Variants in KCNH7 observed in about 807,000 individuals in gnomAD.
KCNH7 encodes the protein potassium voltage-gated channel subfamily H member 7.
Under a neutral mutation model 120.8 loss-of-function variants are expected in KCNH7, and 49 were observed. The observed-to-expected ratio is 0.41, with a 90% confidence interval of 0.32 to 0.51. KCNH7 has a LOEUF of 0.51. KCNH7 is among the 20% of genes least tolerant of loss of function. The pLI is 0.38. For synonymous variants in KCNH7, 547 were observed against 516.1 expected, an observed-to-expected ratio of 1.06 and a Z score of -0.81; for missense variants, 1,097 against 1,446.6, an observed-to-expected ratio of 0.76 and a Z score of 3.92.
intron 6 of KCNH7, among the ~76,000 whole-genome samples, chr2:162,501,492 G>A (rs1291074789): frequency 6.6e-6 from 1 of 151,922 alleles, no homozygotes; most frequent in African/African-American, 2.4e-5. Context: ...TTCACTCAGT[G>A]GTAAGTAGTC....
chr2:162,670,470 C>CAAAA lies in KCNH7; in HGVS notation c.308-133394_308-133391dup, dbSNP rs61610131. Among the ~76,000 whole-genome samples the CAAAA allele has an allele frequency of 1.1e-3, 53 of 48,158 alleles. 1 individual carries two copies. The highest frequency in any genetic ancestry group is 3.4e-3 in the East Asian group (6 of 1,770). The allele number at this position is 48,158 out of a possible 152,430, so 31.6% of individuals were successfully genotyped here. A position where few individuals can be genotyped will look rare whatever the true frequency, so the allele number is the denominator to read the frequency against. ...CCTGGGCAACAAGAGCGAACTCTGT[C>CAAAA]AAAAAAAAAAAAAAAAAAAAAAGAA... On this transcript the variant is annotated intron_variant, in intron 2 of 15. Transcript: ENST00000332142.
At chr2:162,618,242 C>A (rs1683217409) in intron 2 of KCNH7, among the ~76,000 whole-genome samples, 1 of 151,872 alleles carries the variant, frequency 6.6e-6, no homozygotes, top group Non-Finnish European at 1.5e-5. Flanking sequence ...CCTTTCTCTT[C>A]TTATTTAGTC....
intron 2 of KCNH7, among the ~76,000 whole-genome samples, chr2:162,738,333 C>T (rs1687995735): frequency 6.6e-6 from 1 of 152,150 alleles, no homozygotes; most frequent in Non-Finnish European, 1.5e-5. Flanking sequence ...TCATGACGAC[C>T]TACCCTTGTT....
At chr2:162,380,162 C>T in intron 13 of KCNH7, 141 bp from the exon 14 acceptor site, 1 of 954,012 alleles carries the variant, frequency 1.0e-6, no homozygotes, top group Non-Finnish European at 1.5e-6. Flanking sequence ...GTGATGTGTC[C>T]AGGGGCCACG....
intron 5 of KCNH7, among the ~76,000 whole-genome samples, chr2:162,506,974 T>G (rs536211849): frequency 6.6e-6 from 1 of 152,002 alleles, no homozygotes; most frequent in South Asian, 2.1e-4. Context: ...AAAAGCCTGT[T>G]TATTCATGAA....
At chr2:162,829,312 T>G (rs185220673) in intron 2 of KCNH7, among the ~76,000 whole-genome samples, 29 of 152,296 alleles carry the variant, frequency 1.9e-4, no homozygotes, top group Admixed American at 9.2e-4. Flanking sequence ...ATCAGCTAAC[T>G]TTATCATTTT....
At chr2:162,810,437 C>T (rs1458818616) in intron 2 of KCNH7, among the ~76,000 whole-genome samples, 5 of 152,130 alleles carry the variant, frequency 3.3e-5, no homozygotes, top group Admixed American at 3.3e-4. Context: ...TTTGGCATCA[C>T]ATCATAGGAT....
At chr2:162,800,112 G>T (rs1684290854) in intron 2 of KCNH7, among the ~76,000 whole-genome samples, 1 of 151,602 alleles carries the variant, frequency 6.6e-6, no homozygotes, top group Non-Finnish European at 1.5e-5. Context: ...TCCAGGGGCA[G>T]ATCATAGGGC....
At chr2:162,558,364 C>T (rs960158409) in intron 2 of KCNH7, among the ~76,000 whole-genome samples, 5 of 151,868 alleles carry the variant, frequency 3.3e-5, no homozygotes, top group African/African-American at 9.7e-5. Flanking sequence ...TTGGTAGAGA[C>T]GGGGTTTCAC....
chr2:162,386,304 A>G (rs1294031894), intron 12 of KCNH7, among the ~76,000 whole-genome samples: 1 of 151,800 alleles, frequency 6.6e-6, no homozygotes, highest in Non-Finnish European at 1.5e-5. Context: ...CTAAAATTCC[A>G]TCTTGCCATC....
At chr2:162,593,594 T>C (rs1003788680) in intron 2 of KCNH7, among the ~76,000 whole-genome samples, 7 of 152,136 alleles carry the variant, frequency 4.6e-5, no homozygotes, top group African/African-American at 1.7e-4. Flanking sequence ...TAGGCAGCAA[T>C]AAGAATCGCC....
At chr2:162,763,475 C>A (rs1574356175) in intron 2 of KCNH7, among the ~76,000 whole-genome samples, 1 of 152,180 alleles carries the variant, frequency 6.6e-6, no homozygotes, top group Non-Finnish European at 1.5e-5. Context: ...ACACAGTGTG[C>A]TTCTTTCTAG....
Position 162,373,918 on chromosome 2 carries a change from T to A in KCNH7, c.3132-256A>T, listed in dbSNP as rs549294073. Reference sequence around the variant, plus strand: ...AATCAAATGAACAAAATAGACTACATGTTTACTAACCTTCATTGATTTCAA... The same window carrying A: ...AATCAAATGAACAAAATAGACTACAAGTTTACTAACCTTCATTGATTTCAA... On this transcript the variant is annotated intron_variant, in intron 14 of 15. Coordinates refer to ENST00000332142, the MANE Select transcript of KCNH7 (RefSeq NM_033272.4). Among the ~76,000 whole-genome samples the A allele has an allele frequency of 5.3e-5, 8 of 152,336 alleles. 1 individual carries two copies. In the South Asian group the frequency reaches 1.7e-3, roughly 32 times the overall value.
intron 6 of KCNH7, among the ~76,000 whole-genome samples, chr2:162,492,887 T>G (rs1690364814): frequency 8.6e-6 from 1 of 115,762 alleles, no homozygotes; most frequent in African/African-American, 3.6e-5. Context: ...TTTTTTTTTT[T>G]TTTTTGGAAA....
chr2:162,742,944 T>C (rs1688189665), intron 2 of KCNH7, among the ~76,000 whole-genome samples: 6 of 152,246 alleles, frequency 3.9e-5, no homozygotes, highest in Admixed American at 3.3e-4. Context: ...ATTCAGGTTT[T>C]AGGTAAACTA....
chr2:162,828,790 G>T (rs767474791), intron 2 of KCNH7, among the ~76,000 whole-genome samples: 12 of 152,076 alleles, frequency 7.9e-5, no homozygotes, highest in Non-Finnish European at 1.3e-4. Context: ...GCCAACTAAA[G>T]GCAGAAATGT....
chr2:162,645,693 C>T (rs1276479898), intron 2 of KCNH7, among the ~76,000 whole-genome samples: 1 of 152,130 alleles, frequency 6.6e-6, no homozygotes, highest in South Asian at 2.1e-4. Context: ...ACTTCCTTTG[C>T]AAAAGAGGAT....
intron 2 of KCNH7, among the ~76,000 whole-genome samples, chr2:162,547,143 AC>A (rs1237098117): frequency 6.6e-6 from 1 of 152,084 alleles, no homozygotes; most frequent in African/African-American, 2.4e-5. Context: ...GCGGAGGAAA[AC>A]TACCATTTAT....
intron 2 of KCNH7, among the ~76,000 whole-genome samples, chr2:162,609,935 T>C (rs1323386455): frequency 1.1e-4 from 16 of 152,164 alleles, no homozygotes; most frequent in Admixed American, 1.0e-3. Context: ...AAGTCTAATT[T>C]AGGCCCAAAC....
Sources: allele counts gnomAD v4.1 joint callset (sites outside exome capture counted in the v4.1 genomes callset), GRCh38; gene constraint gnomAD v4.1.1; transcripts MANE v1.5; gene names NCBI Gene and HGNC (gene_info 2026-07-23, HGNC 2026-07-21).